The following PDE4B variants were observed in gnomAD, a reference collection of about 807,000 sequenced individuals.
PDE4B encodes the protein phosphodiesterase 4B, also known as 3',5'-cyclic-AMP phosphodiesterase 4B.
PDE4B carries 20 observed loss-of-function variants against 82.2 expected under a neutral mutation model. The ratio of observed to expected loss-of-function variants is 0.24; its 90% CI spans 0.17 to 0.35. PDE4B has a LOEUF of 0.35. PDE4B is among the 10% of genes least tolerant of loss of function. The pLI is 1.00. For missense variants in PDE4B, 655 were observed against 907.2 expected (o/e 0.72, Z 3.57); for synonymous variants, 320 against 318.9 (o/e 1.00, Z -0.04).
intron 3 of PDE4B, among the ~76,000 whole-genome samples, chr1:66,029,261 C>T (rs761291339): frequency 3.9e-5 from 6 of 152,060 alleles, no homozygotes; most frequent in African/African-American, 9.7e-5. Flanking sequence ...TTCACTATCA[C>T]GAGGGTAGCA....
intron 3 of PDE4B, among the ~76,000 whole-genome samples, chr1:66,203,346 G>T (rs1159869531): frequency 1.3e-5 from 2 of 152,010 alleles, no homozygotes; most frequent in Admixed American, 1.3e-4. Flanking sequence ...TCTTCTCGAG[G>T]AGTATCTTTG....
In PDE4B at chr1:66,072,416, A is replaced by C. The variant is rs1053707741; in HGVS notation, c.281+153581A>C. 3.3e-5 allele frequency among the ~76,000 whole-genome samples: 5 copies of C among 152,046 alleles called. No individual in the cohort carries two copies. In the East Asian group the frequency reaches 7.7e-4, roughly 23 times the overall value. On this transcript the variant is annotated intron_variant, in intron 3 of 16. Coordinates refer to ENST00000341517, the MANE Select transcript of PDE4B (RefSeq NM_002600.4). ...TGCTAACATTTTTTCAAATGTGTGG[A>C]TATTTCCTTATAATTTCTCTAAGAG...
chr1:66,316,323 G>A (rs1157355758), intron 7 of PDE4B, among the ~76,000 whole-genome samples: 1 of 152,034 alleles, frequency 6.6e-6, no homozygotes, highest in Non-Finnish European at 1.5e-5. Context: ...TTCCAAACTA[G>A]ATAACATGAT....
chr1:65,874,893 A>G (rs1412860689), intron 1 of PDE4B, among the ~76,000 whole-genome samples: 17 of 152,194 alleles, frequency 1.1e-4, no homozygotes, highest in African/African-American at 3.6e-4. Context: ...GGCATGGGCA[A>G]GGACTTCATG....
At chr1:66,328,302 T>TGG in intron 7 of PDE4B, among the ~76,000 whole-genome samples, 1 of 152,302 alleles carries the variant, frequency 6.6e-6, no homozygotes, top group Non-Finnish European at 1.5e-5. Context: ...TTCTTCCCTC[T>TGG]GGAAGTTTTT....
chr1:66,348,974 T>A (rs1034701275), intron 8 of PDE4B, among the ~76,000 whole-genome samples: 1 of 152,086 alleles, frequency 6.6e-6, no homozygotes, highest in Non-Finnish European at 1.5e-5. Flanking sequence ...GAAACGTCAA[T>A]TTTTTAGTGT....
chr1:66,358,248 C>T (rs1307510713), intron 9 of PDE4B, among the ~76,000 whole-genome samples: 1 of 152,148 alleles, frequency 6.6e-6, no homozygotes, highest in Non-Finnish European at 1.5e-5. Flanking sequence ...CCTGTCAATC[C>T]TTTAACGAGG....
intron 1 of PDE4B, among the ~76,000 whole-genome samples, chr1:65,903,098 A>G (rs1320990959): frequency 2.0e-5 from 3 of 152,194 alleles, no homozygotes; most frequent in Non-Finnish European, 2.9e-5. Context: ...CATTTTATGG[A>G]AGTGGGTATA....
At chr1:66,072,405 C>T (rs540638452) in intron 3 of PDE4B, among the ~76,000 whole-genome samples, 43 of 152,150 alleles carry the variant, frequency 2.8e-4, no homozygotes, top group African/African-American at 9.9e-4. Flanking sequence ...AACATTTTTT[C>T]AAATGTGTGG....
At chr1:66,093,851 C>T (rs1234103088) in intron 3 of PDE4B, among the ~76,000 whole-genome samples, 1 of 151,996 alleles carries the variant, frequency 6.6e-6, no homozygotes, top group Non-Finnish European at 1.5e-5. Flanking sequence ...TTATGCCGCT[C>T]ATATCATTAA....
intron 3 of PDE4B, among the ~76,000 whole-genome samples, chr1:66,050,285 C>T (rs1242528552): frequency 6.6e-6 from 1 of 151,834 alleles, no homozygotes; most frequent in Non-Finnish European, 1.5e-5. Context: ...GTATCGGTGG[C>T]CAGTGGCAGG....
chr1:66,368,247 G>A (rs1570792622), intron 15 of PDE4B, 182 bp downstream of exon 15: 2 of 573,620 alleles, frequency 3.5e-6, no homozygotes, highest in Admixed American at 3.4e-5. Context: ...TCTAATTTAT[G>A]AGGAAAAATA....
intron 3 of PDE4B, among the ~76,000 whole-genome samples, chr1:66,076,635 T>G (rs752603860): frequency 6.6e-6 from 1 of 152,186 alleles, no homozygotes; most frequent in Non-Finnish European, 1.5e-5. Context: ...CCACCATCTG[T>G]GTATGAGTTC....
At chr1:66,270,013 C>T (rs1234814128) in intron 7 of PDE4B, among the ~76,000 whole-genome samples, 1 of 152,168 alleles carries the variant, frequency 6.6e-6, no homozygotes, top group Non-Finnish European at 1.5e-5. Flanking sequence ...GGTAACAGAT[C>T]AGATGTTATG....
At chr1:65,888,033 C>T (rs906383563) in intron 1 of PDE4B, among the ~76,000 whole-genome samples, 1 of 152,040 alleles carries the variant, frequency 6.6e-6, no homozygotes, top group Admixed American at 6.6e-5. Flanking sequence ...AGACCTATGT[C>T]CAGAAGTGTT....
intron 1 of PDE4B, among the ~76,000 whole-genome samples, chr1:65,845,410 C>T (rs1646256919): frequency 1.3e-5 from 2 of 152,110 alleles, no homozygotes; most frequent in African/African-American, 4.8e-5. Context: ...GTTATTAAGA[C>T]TTAGTCTAGC....
chr1:65,905,150 G>T (rs542611925), intron 1 of PDE4B, among the ~76,000 whole-genome samples: 1 of 152,064 alleles, frequency 6.6e-6, no homozygotes, highest in Non-Finnish European at 1.5e-5. Flanking sequence ...CTTCTGGGAG[G>T]CATAAACCTA....
Position 66,038,874 on chromosome 1 carries a change from C to G in PDE4B, c.281+120039C>G, listed in dbSNP as rs574789539. On this transcript the variant is annotated intron_variant, in intron 3 of 16. Transcript: ENST00000341517. ...AGCTTAATGTCCACGTGAAAATTAT[C>G]TTCTATGTTTTCTGTTTTCGTGACA... 2.6e-5 allele frequency among the ~76,000 whole-genome samples: 4 copies of G among 152,192 alleles called. No homozygotes were observed. In the South Asian group the frequency reaches 8.3e-4, roughly 32 times the overall value.
intron 9 of PDE4B, among the ~76,000 whole-genome samples, chr1:66,356,700 G>A (rs1477004454): frequency 6.6e-6 from 1 of 152,164 alleles, no homozygotes; most frequent in East Asian, 1.9e-4. Context: ...AGCAGTTCTT[G>A]CTATCAGCAG....
Sources: gnomAD v4.1 joint callset for allele counts (sites outside exome capture counted in the v4.1 genomes callset) on GRCh38, gnomAD v4.1.1 for gene constraint, MANE v1.5 for transcripts, NCBI Gene and HGNC (gene_info 2026-07-23, HGNC 2026-07-21) for gene names.